The following RNF128 variants were observed in gnomAD, a reference collection of about 807,000 sequenced individuals.
RNF128 encodes the protein E3 ubiquitin-protein ligase RNF128.
A neutral mutation model predicts 26.2 loss-of-function variants in RNF128; 13 were observed. The observed-to-expected ratio is 0.50, with a 90% CI of 0.32 to 0.79. RNF128 has a LOEUF of 0.79. Ranked by LOEUF, RNF128 falls within the 30% of genes least tolerant of loss-of-function variation. The pLI is 0.03. For missense variants in RNF128, 315 were observed against 349.7 expected, an observed-to-expected ratio of 0.90 and a Z score of 0.79; for synonymous variants, 149 against 142.5, an observed-to-expected ratio of 1.05 and a Z score of -0.32.
At chrX:106,734,469 T>C (rs896079115) in intron 1 of RNF128, among the ~76,000 whole-genome samples, 6 of 111,577 alleles carry the variant, frequency 5.4e-5, no homozygotes, top group African/African-American at 1.6e-4. Flanking sequence ...TTGCACCTGG[T>C]TTCCCTGTTG....
At chrX:106,773,896 T>C (rs929741020) in intron 2 of RNF128, among the ~76,000 whole-genome samples, 2 of 111,420 alleles carry the variant, frequency 1.8e-5, no homozygotes, top group Non-Finnish European at 1.9e-5. Context: ...TTAAATTCCA[T>C]GGTTACTCCC....
Position 106,772,925 on chromosome X carries a change from T to C in RNF128, c.497T>C (p.Ile166Thr). ...TTTTATTTTACAGGTGCAGTAGACA[T>C]TGTTGCAATCATGATCGGCAATCTG... is the stretch of plus-strand genomic sequence containing the variant. Reference protein sequence around the residue: ...IPMSHPGAVDIVAIMIGNLKG... With the variant: ...IPMSHPGAVDTVAIMIGNLKG... Residue 166 changes from isoleucine (I) to threonine (T), a missense_variant, in exon 2 of 7, where the codon ATT becomes ACT. Physicochemically the swap from Ile to Thr is moderately conservative, Grantham distance 89. Coordinates refer to ENST00000255499, the MANE Select transcript of RNF128 (RefSeq NM_194463.2). The C allele has an allele frequency of 8.3e-7, 1 of 1,209,738 alleles. No homozygotes were observed. Among genetic ancestry groups the C allele is most frequent in the Non-Finnish European group, 1.1e-6 (1 of 894,389 alleles).
chrX:106,694,449 T>C, intron 1 of RNF128: 1 of 1,046,094 alleles, frequency 9.6e-7, no homozygotes, highest in Non-Finnish European at 1.3e-6. Flanking sequence ...AATGTCCGTT[T>C]ATCTTAGAAT....
At chrX:106,741,346 C>T (rs148667647) in intron 1 of RNF128, among the ~76,000 whole-genome samples, 96 of 111,473 alleles carry the variant, frequency 8.6e-4, no homozygotes, top group African/African-American at 3.0e-3. Context: ...ACCAGGATGA[C>T]TGTGTTTTAA....
At chrX:106,723,591 T>A (rs1929349938), upstream of RNF128, among the ~76,000 whole-genome samples, 1 of 110,800 alleles carries the variant, frequency 9.0e-6, no homozygotes, top group South Asian at 3.9e-4. Flanking sequence ...TATATGTATG[T>A]ATGTATAATT....
chrX:106,695,439 A>G (rs1361262366), intron 1 of RNF128, among the ~76,000 whole-genome samples: 1 of 111,851 alleles, frequency 8.9e-6, no homozygotes, highest in Non-Finnish European at 1.9e-5. Context: ...CACATACAAT[A>G]TCACTGTTTG....
At chrX:106,723,062 A>G (rs1348575058), upstream of RNF128, among the ~76,000 whole-genome samples, 1 of 111,553 alleles carries the variant, frequency 9.0e-6, no homozygotes, top group Non-Finnish European at 1.9e-5. Context: ...ATCTGGTCAT[A>G]CCATTCATTC....
At chrX:106,723,009 C>T (rs1009219712), upstream of RNF128, among the ~76,000 whole-genome samples, 2 of 111,538 alleles carry the variant, frequency 1.8e-5, no homozygotes, top group Admixed American at 9.5e-5. Flanking sequence ...TCTTTTTCAT[C>T]AGTCTTGTCC....
chrX:106,742,014 T>G (rs1929710312), intron 1 of RNF128, among the ~76,000 whole-genome samples: 2 of 111,674 alleles, frequency 1.8e-5, no homozygotes, highest in Non-Finnish European at 3.8e-5. Context: ...ATAATGTACT[T>G]TTTCCTTTTA....
upstream of RNF128, among the ~76,000 whole-genome samples, chrX:106,722,419 C>T (rs1251161685): frequency 9.0e-6 from 1 of 111,556 alleles, no homozygotes; most frequent in Non-Finnish European, 1.9e-5. Flanking sequence ...TGTGATTCTG[C>T]ATTTCTAACC....
chrX:106,695,500 CAAGT>C (rs1386364121), intron 1 of RNF128, among the ~76,000 whole-genome samples: 1 of 111,581 alleles, frequency 9.0e-6, no homozygotes, highest in Admixed American at 9.5e-5. Flanking sequence ...ATCAAAAAAA[CAAGT>C]AAGATGAACT....
intron 1 of RNF128, among the ~76,000 whole-genome samples, chrX:106,759,249 T>C (rs988070205): frequency 1.8e-5 from 2 of 111,432 alleles, no homozygotes; most frequent in Admixed American, 1.9e-4. Flanking sequence ...CTCATCCCAG[T>C]TAAAATGGCT....
intron 1 of RNF128, among the ~76,000 whole-genome samples, chrX:106,751,173 C>T (rs768764178): frequency 1.8e-5 from 2 of 111,247 alleles, no homozygotes; most frequent in African/African-American, 6.5e-5. Context: ...AGGAAAGAGG[C>T]ACTGGATAGG....
chrX:106,753,687 A>G (rs773639816), intron 1 of RNF128, among the ~76,000 whole-genome samples: 12 of 111,924 alleles, frequency 1.1e-4, no homozygotes, highest in African/African-American at 3.9e-4. Context: ...AAAAGCCCCA[A>G]CTAGCTGCCA....
chrX:106,750,746 AAGAG>A (rs1466626542), intron 1 of RNF128, among the ~76,000 whole-genome samples: 1 of 111,434 alleles, frequency 9.0e-6, no homozygotes, highest in African/African-American at 3.3e-5. Context: ...CACAAAAAAA[AAGAG>A]AGAGAGGAGA....
At chrX:106,704,246 T>A (rs1208238961) in intron 1 of RNF128, among the ~76,000 whole-genome samples, 18 of 109,289 alleles carry the variant, frequency 1.6e-4, no homozygotes, top group Non-Finnish European at 1.3e-4. Flanking sequence ...CCATCCTAGC[T>A]AATACGGTGA....
rs368234138 is a variant in RNF128, at chrX:106,727,117, G to A, written c.204G>A (p.Glu68=). The change falls in exon 1 of 7, where the codon GAG becomes GAA. Residue 68 remains glutamate, a synonymous_variant. Transcript: ENST00000255499. ...GTACGGTGTGGGAGCTGAGCGAGGA[G>A]GGCGTGTACGGCCAGGACTCGCCGC... is the stretch of plus-strand genomic sequence containing the variant. ...VNRTVWELSE[E]GVYGQDSPLE... 1.8e-5 allele frequency: 22 copies of A among 1,205,423 alleles called. No individual in the cohort carries two copies. The highest frequency in any genetic ancestry group is 2.5e-5 in the Non-Finnish European group (22 of 893,212).
At chrX:106,701,787 T>C (rs998841922) in intron 1 of RNF128, among the ~76,000 whole-genome samples, 3 of 111,145 alleles carry the variant, frequency 2.7e-5, no homozygotes, top group African/African-American at 9.8e-5. Context: ...CCATGGTGAA[T>C]AGTAAAGAAT....
intron 1 of RNF128, among the ~76,000 whole-genome samples, chrX:106,713,171 G>GC (rs757857920): frequency 9.4e-6 from 1 of 106,883 alleles, no homozygotes; most frequent in Non-Finnish European, 1.9e-5. Context: ...ACAGGTGTGA[G>GC]CCGCTGTCCC....
Sources: gnomAD v4.1 joint callset for allele counts (sites outside exome capture counted in the v4.1 genomes callset) on GRCh38, gnomAD v4.1.1 for gene constraint, MANE v1.5 for transcripts, NCBI Gene and HGNC (gene_info 2026-07-23, HGNC 2026-07-21) for gene names.